The following RAB3C variants were observed in gnomAD, a reference collection of about 807,000 sequenced individuals.
RAB3C encodes the protein RAB3C, member RAS oncogene family, also known as ras-related protein Rab-3C.
In RAB3C, 17 loss-of-function variants were observed where a neutral mutation model predicts 26.4. The observed-to-expected ratio is 0.64, with a 90% CI of 0.44 to 0.97. The LOEUF (loss-of-function observed/expected upper bound fraction) is 0.97, where lower values mean the gene tolerates loss of function less well. Ranked by LOEUF, RAB3C falls within the 50% of genes least tolerant of loss-of-function variation. RAB3C has a pLI of 0.00. For synonymous variants in RAB3C, 91 were observed against 95.9 expected, an observed-to-expected ratio of 0.95 and a Z score of 0.30; for missense variants, 242 against 281.9, an observed-to-expected ratio of 0.86 and a Z score of 1.01.
rs185443161 is a variant in RAB3C, at chr5:58,676,364, G to A, written c.253-49638G>A. ...CTAAAAATGCAAAAATTAGCCAGGT[G>A]TGGTGGCAGGCGCTTGTAATCCCAG... is the stretch of plus-strand genomic sequence containing the variant. On this transcript the variant is annotated intron_variant, in intron 2 of 4. Coordinates refer to ENST00000282878, the MANE Select transcript of RAB3C (RefSeq NM_138453.4). Among the ~76,000 whole-genome samples, 1,254 of 152,168 alleles carry A rather than the reference G, an allele frequency of 8.2e-3. 6 individuals carry two copies. Among genetic ancestry groups the A allele is most frequent in the Non-Finnish European group, 0.013 (861 of 68,008 alleles).
At chr5:58,679,812 G>T (rs1748309755) in intron 2 of RAB3C, among the ~76,000 whole-genome samples, 1 of 152,158 alleles carries the variant, frequency 6.6e-6, no homozygotes, top group African/African-American at 2.4e-5. Context: ...GCTTTTCTTT[G>T]CACGGTAAAA....
chr5:58,847,690 G>A (rs1420798169), intron 4 of RAB3C, among the ~76,000 whole-genome samples: 4 of 152,022 alleles, frequency 2.6e-5, no homozygotes, highest in African/African-American at 2.4e-5. Context: ...AGAAAATCAA[G>A]CCCCACTTGA....
chr5:58,795,109 G>C (rs994069571), intron 3 of RAB3C, among the ~76,000 whole-genome samples: 15 of 152,154 alleles, frequency 9.9e-5, no homozygotes, highest in Admixed American at 3.3e-4. Context: ...TAGTGAGTAA[G>C]TCTCCTGAGA....
At chr5:58,803,110 T>C (rs1157580471) in intron 3 of RAB3C, among the ~76,000 whole-genome samples, 1 of 152,200 alleles carries the variant, frequency 6.6e-6, no homozygotes, top group Non-Finnish European at 1.5e-5. Flanking sequence ...GGCTGGGAAA[T>C]GGTGTCTGGC....
chr5:58,769,896 G>A (rs1045814113), intron 3 of RAB3C, among the ~76,000 whole-genome samples: 7 of 152,072 alleles, frequency 4.6e-5, no homozygotes, highest in South Asian at 2.1e-4. Flanking sequence ...AGTCACATGC[G>A]AAAACGTTCC....
At chr5:58,723,246 G>A (rs1272241106) in intron 2 of RAB3C, among the ~76,000 whole-genome samples, 2 of 151,610 alleles carry the variant, frequency 1.3e-5, no homozygotes, top group East Asian at 3.9e-4. Context: ...TGTTCTGAAA[G>A]ATCTTCCTCA....
chr5:58,757,670 GT>G (rs1174611075), intron 3 of RAB3C, among the ~76,000 whole-genome samples: 1 of 151,842 alleles, frequency 6.6e-6, no homozygotes, highest in Admixed American at 6.6e-5. Context: ...TCCCTACTAG[GT>G]AATTATTGTA....
chr5:58,591,670 A>G (rs891439587), intron 1 of RAB3C, among the ~76,000 whole-genome samples: 2 of 149,864 alleles, frequency 1.3e-5, no homozygotes, highest in African/African-American at 4.9e-5. Flanking sequence ...TGTGGTCAGT[A>G]TAGAGTTGGG....
chr5:58,821,063 G>A (rs188597231), intron 3 of RAB3C, among the ~76,000 whole-genome samples: 72 of 152,248 alleles, frequency 4.7e-4, no homozygotes, highest in African/African-American at 1.7e-3. Flanking sequence ...ATACAGTCAG[G>A]GGTGCAGTAG....
At chr5:58,705,259 T>TATA (rs1160250316) in intron 2 of RAB3C, among the ~76,000 whole-genome samples, 1 of 152,132 alleles carries the variant, frequency 6.6e-6, no homozygotes, top group Non-Finnish European at 1.5e-5. Flanking sequence ...AGTTCGTATT[T>TATA]ATAAGTAGGC....
At chr5:58,763,579 A>G (rs1409565110) in intron 3 of RAB3C, among the ~76,000 whole-genome samples, 1 of 152,198 alleles carries the variant, frequency 6.6e-6, no homozygotes, top group African/African-American at 2.4e-5. Context: ...AATGCACATT[A>G]TAAAAGTTTG....
At chr5:58,619,011 G>A (rs566152838) in intron 2 of RAB3C, among the ~76,000 whole-genome samples, 1 of 152,026 alleles carries the variant, frequency 6.6e-6, no homozygotes, top group African/African-American at 2.4e-5. Flanking sequence ...AAAGAAAACA[G>A]CCCTTTATTT....
Position 58,859,015 on chromosome 5 carries a change from G to A in RAB3C, c.*7664G>A, listed in dbSNP as rs1400266578. The A allele has an allele frequency of 6.6e-6, 1 of 152,196 alleles. No homozygotes were observed. The highest frequency in any genetic ancestry group is 1.5e-5 in the Non-Finnish European group (1 of 68,046). 9.4% of individuals were successfully genotyped at this position (152,196 alleles called of 1,614,324 possible). A position where few individuals can be genotyped will look rare whatever the true frequency, so the allele number is the denominator to read the frequency against. On this transcript the variant is annotated 3_prime_UTR_variant, in exon 5 of 5. Coordinates refer to ENST00000282878, the MANE Select transcript of RAB3C (RefSeq NM_138453.4). ...CCATAAAGGGCATTGGAAATGCACA[G>A]ATGAAGATCTTCCTTTGGAACCAGG...
chr5:58,721,149 C>G (rs1411730075), intron 2 of RAB3C, among the ~76,000 whole-genome samples: 1 of 149,332 alleles, frequency 6.7e-6, no homozygotes. Flanking sequence ...GACAGATATT[C>G]AAGTATTTGT....
chr5:58,703,682 AC>A (rs1328974668), intron 2 of RAB3C, among the ~76,000 whole-genome samples: 1 of 152,182 alleles, frequency 6.6e-6, no homozygotes, highest in Non-Finnish European at 1.5e-5. Context: ...TTTGAGGGCT[AC>A]TAAAAGCTCA....
intron 2 of RAB3C, among the ~76,000 whole-genome samples, chr5:58,723,897 T>A (rs1450882416): frequency 6.6e-6 from 1 of 151,794 alleles, no homozygotes; most frequent in Non-Finnish European, 1.5e-5. Flanking sequence ...AGAAGTTAGA[T>A]GCCAATCTCC....
At chr5:58,761,055 T>A (rs1476496798) in intron 3 of RAB3C, among the ~76,000 whole-genome samples, 2 of 73,372 alleles carry the variant, frequency 2.7e-5, no homozygotes, top group Middle Eastern at 9.1e-3. Flanking sequence ...TCTCCCTCTC[T>A]CTCTCTCTCA....
At chr5:58,617,539 T>G in intron 1 of RAB3C, 104 bp from the exon 2 acceptor site, 2 of 924,650 alleles carry the variant, frequency 2.2e-6, no homozygotes, top group South Asian at 2.6e-5. Flanking sequence ...GTGTCTGACA[T>G]CTGTTTCTGG....
At chr5:58,761,158 C>T (rs1741790334) in intron 3 of RAB3C, among the ~76,000 whole-genome samples, 1 of 151,840 alleles carries the variant, frequency 6.6e-6, no homozygotes, top group African/African-American at 2.4e-5. Flanking sequence ...AGCATTGGAA[C>T]TGCAAATGGA....
Sources: allele counts gnomAD v4.1 joint callset (sites outside exome capture counted in the v4.1 genomes callset), GRCh38; gene constraint gnomAD v4.1.1; transcripts MANE v1.5; gene names NCBI Gene and HGNC (gene_info 2026-07-23, HGNC 2026-07-21).